The following LRRC58 variants were observed in gnomAD, a reference collection of about 807,000 sequenced individuals.
LRRC58 encodes leucine-rich repeat-containing protein 58.
A neutral mutation model predicts 30.6 loss-of-function variants in LRRC58; 18 were observed. The ratio of observed to expected loss-of-function variants is 0.59; its 90% confidence interval spans 0.41 to 0.87. The LOEUF (loss-of-function observed/expected upper bound fraction) is 0.87. LRRC58 is among the 40% of genes least tolerant of loss of function. The pLI is 0.00. For synonymous variants in LRRC58, 221 were observed against 206.0 expected (o/e 1.07, Z -0.62); for missense variants, 420 against 468.4 (o/e 0.90, Z 0.95).
At chr3:120,343,148 C>A (rs1935924880) in intron 1 of LRRC58, among the ~76,000 whole-genome samples, 1 of 152,176 alleles carries the variant, frequency 6.6e-6, no homozygotes, top group Admixed American at 6.5e-5. Context: ...TAACTAAGGC[C>A]ATGATTTTGC....
intron 1 of LRRC58, among the ~76,000 whole-genome samples, chr3:120,347,144 T>A (rs1935978180): frequency 6.6e-6 from 1 of 152,186 alleles, no homozygotes; most frequent in Admixed American, 6.5e-5. Flanking sequence ...CATAGTTAGT[T>A]GTTTAATGTC....
chr3:120,334,763 A>C, intron 3 of LRRC58, 99 bp downstream of exon 3: 1 of 1,107,208 alleles, frequency 9.0e-7, no homozygotes, highest in Non-Finnish European at 1.3e-6. Context: ...TGAAAAAATA[A>C]AGGGAACAGA....
chr3:120,341,847 C>T (rs1935908226), intron 1 of LRRC58, among the ~76,000 whole-genome samples: 1 of 151,980 alleles, frequency 6.6e-6, no homozygotes, highest in Admixed American at 6.5e-5. Context: ...GGGAGAAGCC[C>T]CACCCTCCTG....
chr3:120,330,941 C>CA lies in LRRC58; in HGVS notation c.*258dup. 2.2e-6 allele frequency: 1 copy of CA among 446,602 alleles called. No homozygotes were observed. Among genetic ancestry groups the CA allele is most frequent in the East Asian group, 4.2e-5 (1 of 23,690 alleles). The allele number at this position is 446,602 out of a possible 1,614,324, so 27.7% of individuals were successfully genotyped here. Reference sequence around the variant, plus strand: ...GTACCATTCTGCTTTGTGATTCATGCAAAACTTGAGTGAAAACTGCAAACC... The same window carrying CA: ...GTACCATTCTGCTTTGTGATTCATGCAAAAACTTGAGTGAAAACTGCAAACC... On this transcript the variant is annotated 3_prime_UTR_variant, in exon 4 of 4. Coordinates refer to ENST00000295628, the MANE Select transcript of LRRC58 (RefSeq NM_001099678.2).
At position 120,349,337 on chromosome 3, in the gene LRRC58, G is replaced by C. The variant is rs921926591; in HGVS notation, c.-94C>G. 7 of 1,253,854 alleles carry C rather than the reference G, an allele frequency of 5.6e-6. No individual in the cohort carries two copies. Among genetic ancestry groups the C allele is most frequent in the East Asian group, 6.3e-5 (2 of 31,578 alleles). The allele number at this position is 1,253,854 out of a possible 1,614,324, so 77.7% of individuals were successfully genotyped here. A position where few individuals can be genotyped will look rare whatever the true frequency, so the allele number is the denominator to read the frequency against. On this transcript the variant is annotated 5_prime_UTR_variant, in exon 1 of 4. Transcript: ENST00000295628. Reference sequence around the variant, plus strand: ...TCTGCGGCGCCCCGGAACCTGAACCGAGGGCTGAGTCGGAAGTGGCGCGGG... The same window carrying C: ...TCTGCGGCGCCCCGGAACCTGAACCCAGGGCTGAGTCGGAAGTGGCGCGGG...
rs1935746498 is a variant in LRRC58, at chr3:120,330,917, T to C, written c.*283A>G. 1 of 411,440 alleles carries C rather than the reference T, an allele frequency of 2.4e-6. No individual in the cohort carries two copies. Among genetic ancestry groups the C allele is most frequent in the African/African-American group, 2.0e-5 (1 of 49,648 alleles). The allele number at this position is 411,440 out of a possible 1,614,324, so 25.5% of individuals were successfully genotyped here. ...TATTGCAGAACTGCTCTTCAAAAGG[T>C]ACCATTCTGCTTTGTGATTCATGCA... On this transcript the variant is annotated 3_prime_UTR_variant, in exon 4 of 4. Transcript: ENST00000295628.
At chr3:120,337,111 A>G (rs1337195394) in intron 1 of LRRC58, among the ~76,000 whole-genome samples, 1 of 152,110 alleles carries the variant, frequency 6.6e-6, no homozygotes, top group African/African-American at 2.4e-5. Context: ...GATGCACTAA[A>G]TACTGTCTCC....
chr3:120,325,800 C>G lies in LRRC58; in HGVS notation c.*5400G>C, dbSNP rs1478963439. ...AAACTGCTGTCATTCTTTGGTGGCA[C>G]CAGATAAATTTTTTAAATAATATAT... On this transcript the variant is annotated 3_prime_UTR_variant, in exon 4 of 4. Coordinates refer to ENST00000295628, the MANE Select transcript of LRRC58 (RefSeq NM_001099678.2). 6.6e-6 allele frequency: 1 copy of G among 152,074 alleles called. No individual in the cohort carries two copies. The highest frequency in any genetic ancestry group is 2.4e-5 in the African/African-American group (1 of 41,414). The allele number at this position is 152,074 out of a possible 1,614,324, so 9.4% of individuals were successfully genotyped here.
chr3:120,334,167 C>G (rs1559993441), intron 3 of LRRC58, among the ~76,000 whole-genome samples: 2 of 152,126 alleles, frequency 1.3e-5, no homozygotes, highest in Non-Finnish European at 2.9e-5. Flanking sequence ...TTGATTAAAT[C>G]TGATACAGGG....
At chr3:120,336,687 T>C (rs1935838917) in intron 1 of LRRC58, among the ~76,000 whole-genome samples, 1 of 151,980 alleles carries the variant, frequency 6.6e-6, no homozygotes, top group Admixed American at 6.6e-5. Flanking sequence ...GTAATTATAC[T>C]GTTTTCCAAC....
rs1268858207 is a variant in LRRC58, at chr3:120,331,361, A to ACG, written c.954_955insCG (p.Cys319ArgfsTer9). On this transcript the variant is annotated frameshift_variant, in exon 4 of 4. Transcript: ENST00000295628. LOFTEE classifies it high-confidence loss of function. ...ATCAGTGGGAGGCGATACTTCCCAC[A>ACG]GAAGTCCACAAATTTAATTTGTCTG... The ACG allele has an allele frequency of 1.9e-6, 3 of 1,613,848 alleles. No homozygotes were observed. The highest frequency in any genetic ancestry group is 2.5e-6 in the Non-Finnish European group (3 of 1,179,834).
At chr3:120,334,834 G>A (rs1935811868) in intron 3 of LRRC58, 28 bp downstream of exon 3, 2 of 1,565,196 alleles carry the variant, frequency 1.3e-6, no homozygotes, top group Middle Eastern at 1.7e-4. Context: ...CTAAATAAGT[G>A]GGAAACATGA....
intron 3 of LRRC58, among the ~76,000 whole-genome samples, chr3:120,333,108 A>G (rs867157658): frequency 0.017 from 2,450 of 144,826 alleles, 63 homozygotes; most frequent in African/African-American, 0.06. Context: ...AAAAAAAAAG[A>G]AAAAAAAAAA....
Position 120,329,798 on chromosome 3 carries a change from ATTAG to A in LRRC58, c.*1398_*1401del, listed in dbSNP as rs986454422. The stretch of plus-strand genomic sequence containing the variant: ...TTAACATTAACCAACAAGTCATGTT[ATTAG>A]TTATTTAATGATTACCAGTAAGCAC... On this transcript the variant is annotated 3_prime_UTR_variant, in exon 4 of 4. Coordinates refer to ENST00000295628, the MANE Select transcript of LRRC58 (RefSeq NM_001099678.2). The A allele has an allele frequency of 6.6e-6, 1 of 152,046 alleles. No individual in the cohort carries two copies. Among genetic ancestry groups the A allele is most frequent in the African/African-American group, 2.4e-5 (1 of 41,450 alleles). The allele number at this position is 152,046 out of a possible 1,614,324, so 9.4% of individuals were successfully genotyped here.
intron 1 of LRRC58, among the ~76,000 whole-genome samples, chr3:120,346,557 T>C (rs1198894999): frequency 1.3e-5 from 2 of 152,192 alleles, no homozygotes; most frequent in African/African-American, 2.4e-5. Flanking sequence ...ATTGTAAGTA[T>C]TAAATAAATG....
intron 1 of LRRC58, among the ~76,000 whole-genome samples, chr3:120,344,077 A>AC (rs905261414): frequency 5.3e-5 from 8 of 151,694 alleles, no homozygotes; most frequent in Admixed American, 2.0e-4. Context: ...ACAAAAAAAA[A>AC]CCCCCAAACA....
chr3:120,345,128 A>C (rs949627280), intron 1 of LRRC58, among the ~76,000 whole-genome samples: 1 of 151,644 alleles, frequency 6.6e-6, no homozygotes, highest in Non-Finnish European at 1.5e-5. Flanking sequence ...AAAAAAAAAG[A>C]TTTTGCCACT....
rs756325581 is a variant in LRRC58, at chr3:120,348,827, G to A, written c.417C>T (p.Leu139=). 33 of 1,606,552 alleles carry A rather than the reference G, an allele frequency of 2.1e-5. No homozygotes were observed. In the East Asian group the frequency reaches 7.2e-4, roughly 35 times the overall value. ...GNCFQEVPAS[L]LELRALQTLS... ...GGGTCTGCAGCGCGCGCAGCTCTAA[G>A]AGCGAGGCAGGCACCTCCTGGAAAC... is the stretch of plus-strand genomic sequence containing the variant. The change falls in exon 1 of 4, where the codon CTC becomes CTT. Residue 139 remains leucine, a synonymous_variant. Transcript: ENST00000295628.
chr3:120,348,806 C>T lies in LRRC58; in HGVS notation c.438G>A (p.Gln146=). ...GTTGGTTGCCGCCCAGGCTCAGGGT[C>T]TGCAGCGCGCGCAGCTCTAAGAGCG... ...PASLLELRAL[Q]TLSLGGNQLQ... The change falls in exon 1 of 4, where the codon CAG becomes CAA. Residue 146 remains glutamine, a synonymous_variant. Transcript: ENST00000295628. 6.2e-7 allele frequency: 1 copy of T among 1,607,674 alleles called. No homozygotes were observed. Among genetic ancestry groups the T allele is most frequent in the Admixed American group, 1.7e-5 (1 of 59,326 alleles).
Sources: allele counts gnomAD v4.1 joint callset (sites outside exome capture counted in the v4.1 genomes callset), GRCh38; gene constraint gnomAD v4.1.1; transcripts MANE v1.5; gene names NCBI Gene and HGNC (gene_info 2026-07-23, HGNC 2026-07-21).